Variants in HELZ observed in about 807,000 individuals in gnomAD.
HELZ encodes ATP-dependent RNA helicase with zinc finger domain.
HELZ carries 23 observed loss-of-function variants against 218.2 expected under a neutral mutation model. That is an observed-to-expected ratio of 0.11 (90% CI 0.08 to 0.15). The LOEUF is 0.15. HELZ is among the 10% of genes least tolerant of loss of function. HELZ has a pLI of 1.00. For synonymous variants in HELZ, 814 were observed against 829.4 expected (o/e 0.98, Z 0.32); for missense variants, 1,813 against 2,353.7 (o/e 0.77, Z 4.75).
chr17:67,118,111 C>T (rs1024177620), intron 27 of HELZ, among the ~76,000 whole-genome samples: 6 of 152,184 alleles, frequency 3.9e-5, no homozygotes, highest in African/African-American at 1.4e-4. Context: ...GGAGGACTTA[C>T]ACTACCTGAC....
chr17:67,190,420 A>G, intron 9 of HELZ, 65 bp from the exon 10 acceptor site: 1 of 1,239,278 alleles, frequency 8.1e-7, no homozygotes. Flanking sequence ...ATAAACTCCC[A>G]GCATTTGCCC....
At chr17:67,085,899 A>G (rs2036356150) in intron 32 of HELZ, among the ~76,000 whole-genome samples, 1 of 152,204 alleles carries the variant, frequency 6.6e-6, no homozygotes, top group Non-Finnish European at 1.5e-5. Context: ...CCATCATACA[A>G]GTTTAGAGTG....
At chr17:67,097,901 G>GT in intron 31 of HELZ, among the ~76,000 whole-genome samples, 1 of 152,262 alleles carries the variant, frequency 6.6e-6, no homozygotes, top group South Asian at 2.1e-4. Flanking sequence ...TGGAGAATGT[G>GT]TTTTATTCTT....
chr17:67,212,579 T>C (rs1369398844), intron 5 of HELZ, among the ~76,000 whole-genome samples: 1 of 152,124 alleles, frequency 6.6e-6, no homozygotes, highest in Non-Finnish European at 1.5e-5. Flanking sequence ...ACTACTAATA[T>C]ACATGTATAA....
Position 67,188,955 on chromosome 17 carries a change from G to A in HELZ, c.865-339C>T, listed in dbSNP as rs956982014. Among the ~76,000 whole-genome samples the A allele has an allele frequency of 1.1e-4, 17 of 152,130 alleles. No homozygotes were observed. The highest frequency in any genetic ancestry group is 8.8e-5 in the Non-Finnish European group (6 of 68,024). On this transcript the variant is annotated intron_variant, in intron 11 of 32. Transcript: ENST00000358691. This position sits in a 1 kb window ranked among gnomAD's most constrained non-coding sequence, Gnocchi z 4.1. ...TCAAGTAGGAAGCCTTCGTAAGAGG[G>A]CAGTTACCTCTGAAAGCACTGGATT...
chr17:67,095,914 G>A (rs1463348661), intron 31 of HELZ, among the ~76,000 whole-genome samples: 1 of 152,160 alleles, frequency 6.6e-6, no homozygotes, highest in Non-Finnish European at 1.5e-5. Flanking sequence ...AGATCCATCA[G>A]AGGAATCACT....
chr17:67,209,017 AAGGAAGGAAGGGAGGAAGGG>A (rs1384483214), intron 5 of HELZ, among the ~76,000 whole-genome samples: 4 of 128,376 alleles, frequency 3.1e-5, no homozygotes, highest in Admixed American at 2.3e-4. Context: ...GGAAGGAAGG[AAGGAAGGAAGGGAGGAAGGG>A]AGGGAGGGAG....
At chr17:67,120,671 G>A in intron 26 of HELZ, 59 bp from the exon 27 acceptor site, 1 of 1,151,100 alleles carries the variant, frequency 8.7e-7, no homozygotes, top group South Asian at 1.3e-5. Flanking sequence ...CAAACTGCTA[G>A]AGTGCTGCTG....
chr17:67,205,948 T>C (rs2040285174), intron 5 of HELZ, among the ~76,000 whole-genome samples: 1 of 152,224 alleles, frequency 6.6e-6, no homozygotes. Flanking sequence ...AACTATGGCA[T>C]AGAAATAGTC....
intron 27 of HELZ, among the ~76,000 whole-genome samples, chr17:67,115,656 C>A (rs2037404055): frequency 1.3e-5 from 2 of 152,038 alleles, no homozygotes; most frequent in Admixed American, 6.5e-5. Flanking sequence ...GGTAGAACAA[C>A]ACCATTAAAG....
At position 67,128,535 on chromosome 17, in the gene HELZ, G is replaced by A. The variant is rs572474861; in HGVS notation, c.3387+116C>T. 1.7e-4 allele frequency: 158 copies of A among 916,600 alleles called. 3 individuals are homozygous for A. The South Asian group carries it at 2.1e-3, about 12-fold the overall frequency. 56.8% of individuals were successfully genotyped at this position (916,600 alleles called of 1,614,324 possible). A position where few individuals can be genotyped will look rare whatever the true frequency, so the allele number is the denominator to read the frequency against. On this transcript the variant is annotated intron_variant, in intron 24 of 32. Coordinates refer to ENST00000358691, the MANE Select transcript of HELZ (RefSeq NM_014877.4). ...AAGCTCCTTGCAGAAACCGCTTGCCGCCAAATGTAACCTTCAATTCCAACA... is the reference window on the plus strand; with the variant it reads ...AAGCTCCTTGCAGAAACCGCTTGCCACCAAATGTAACCTTCAATTCCAACA...
chr17:67,128,472 C>T (rs2037872394), intron 24 of HELZ, 179 bp downstream of exon 24: 4 of 642,624 alleles, frequency 6.2e-6, no homozygotes, highest in South Asian at 5.6e-5. Context: ...CATGACTAAA[C>T]ACCATACTGT....
intron 3 of HELZ, among the ~76,000 whole-genome samples, chr17:67,223,132 C>T (rs146349496): frequency 0.01 from 1,569 of 149,864 alleles, 29 homozygotes; most frequent in African/African-American, 0.036. Context: ...TGGTTGCGGG[C>T]GCCTGTAGTC....
intron 21 of HELZ, among the ~76,000 whole-genome samples, chr17:67,139,186 T>A (rs1426709127): frequency 6.6e-6 from 1 of 152,134 alleles, no homozygotes; most frequent in Non-Finnish European, 1.5e-5. Context: ...AGTTCCCATG[T>A]CCAGATACAA....
At chr17:67,223,032 G>A (rs927230082) in intron 3 of HELZ, among the ~76,000 whole-genome samples, 33 of 151,126 alleles carry the variant, frequency 2.2e-4, no homozygotes, top group African/African-American at 8.0e-4. Context: ...TGGATCATGA[G>A]GTCAGGAGAT....
chr17:67,149,039 TCAAA>T (rs1362862084), intron 19 of HELZ, among the ~76,000 whole-genome samples: 3 of 152,032 alleles, frequency 2.0e-5, no homozygotes, highest in African/African-American at 4.8e-5. Flanking sequence ...ACTGTGGGAG[TCAAA>T]CAGTTATTTC....
At chr17:67,097,108 G>A (rs564191562) in intron 31 of HELZ, among the ~76,000 whole-genome samples, 1 of 152,164 alleles carries the variant, frequency 6.6e-6, no homozygotes, top group Non-Finnish European at 1.5e-5. Context: ...GAGACCCAAG[G>A]AGACTAAGTG....
intron 6 of HELZ, among the ~76,000 whole-genome samples, 193 bp downstream of exon 6, chr17:67,203,126 A>G (rs961866468): frequency 6.6e-6 from 1 of 152,200 alleles, no homozygotes; most frequent in African/African-American, 2.4e-5. Flanking sequence ...GTCTCAAAAA[A>G]AAGAAAAAAA....
chr17:67,200,361 C>T (rs180858320), intron 7 of HELZ, among the ~76,000 whole-genome samples: 2 of 152,174 alleles, frequency 1.3e-5, no homozygotes, highest in African/African-American at 2.4e-5. Flanking sequence ...ACTATTTATC[C>T]TCATACACAT....
Sources: allele counts gnomAD v4.1 joint callset (sites outside exome capture counted in the v4.1 genomes callset), GRCh38; gene constraint gnomAD v4.1.1; non-coding constraint Gnocchi (gnomAD v3.1); transcripts MANE v1.5; gene names NCBI Gene and HGNC (gene_info 2026-07-23, HGNC 2026-07-21).